Variants in FLNC observed in about 807,000 individuals in gnomAD.
FLNC encodes filamin-C.
FLNC carries 91 observed loss-of-function variants against 254.3 expected under a neutral mutation model. That is an observed-to-expected ratio of 0.36 (90% CI 0.30 to 0.43). The LOEUF is 0.43. Ranked by LOEUF, FLNC falls within the 20% of genes least tolerant of loss-of-function variation. The probability of loss-of-function intolerance (pLI) is 1.00; values close to 1 mark genes in which losing one functional copy is unlikely to be tolerated. For missense variants in FLNC, 2,853 were observed against 3,802.6 expected (o/e 0.75, Z 6.57); for synonymous variants, 1,430 against 1,577.2 (o/e 0.91, Z 2.21).
chr7:128,843,672 A>T, intron 18 of FLNC, 95 bp downstream of exon 18: 1 of 1,523,842 alleles, frequency 6.6e-7, no homozygotes, highest in Non-Finnish European at 9.1e-7. Context: ...TGGATCCTCC[A>T]CGCCTTTCCT....
chr7:128,852,944 G>T lies in FLNC; in HGVS notation c.6121G>T (p.Ala2041Ser), dbSNP rs745842738. Residue 2041 changes from alanine to serine, a missense_variant, in exon 37 of 48, where the codon GCC (alanine) becomes TCC (serine). By Grantham distance (99) the Ala-to-Ser change is moderately conservative (BLOSUM62 1). Around this residue, in one of 10 missense-constraint regions of FLNC, gnomAD observed 551 missense variants for 835.0 expected, o/e 0.66. Transcript: ENST00000325888. Reference sequence around the variant, plus strand: ...GGTGGGGCCATCTGAGATCGGGGACGCCAGCAAGGTGCGGGTCTGGGGCAA... The same window carrying T: ...GGTGGGGCCATCTGAGATCGGGGACTCCAGCAAGGTGCGGGTCTGGGGCAA... ...ILVGPSEIGDASKVRVWGKGL... is the reference protein window; with the variant it reads ...ILVGPSEIGDSSKVRVWGKGL... 1 of 1,613,582 alleles carries T rather than the reference G, an allele frequency of 6.2e-7. No homozygotes were observed. Among genetic ancestry groups the T allele is most frequent in the Non-Finnish European group, 8.5e-7 (1 of 1,180,016 alleles).
rs1412230475 is a variant in FLNC at position 128,842,450 on chromosome 7, G to C, written c.2265+76G>C. 2 of 1,606,918 alleles carry C rather than the reference G, an allele frequency of 1.2e-6. No individual in the cohort carries two copies. The highest frequency in any genetic ancestry group is 1.7e-6 in the Non-Finnish European group (2 of 1,176,744). The stretch of plus-strand genomic sequence containing the variant: ...GGGCGGAACCCTCGCTGGAGTCCCT[G>C]TTGTCCCTGGGCTCAGGCTGGGACT... On this transcript the variant is annotated intron_variant, in intron 14 of 47. Transcript: ENST00000325888. The surrounding 1 kb of genome is among the most constrained non-coding windows in gnomAD (Gnocchi z 5.4).
At position 128,840,069 on chromosome 7, in the gene FLNC, C is replaced by A. The variant is rs2291563; in HGVS notation, c.1458C>A (p.Pro486=). The change falls in exon 9 of 48, where the codon CCC becomes CCA. Residue 486 remains proline, a synonymous_variant. Coordinates refer to ENST00000325888, the MANE Select transcript of FLNC (RefSeq NM_001458.5). ...ACRASGRGLQ[P]KGVRVKEVAD... ...GCGCCTCTGGGCGAGGCCTGCAGCCCAAGGGTGTTCGCGTGAAAGAGGTGG... is the reference window on the plus strand; with the variant it reads ...GCGCCTCTGGGCGAGGCCTGCAGCCAAAGGGTGTTCGCGTGAAAGAGGTGG... The A allele has an allele frequency of 0.045, 73,350 of 1,614,004 alleles. 6,687 individuals are homozygous for A. The highest frequency in any genetic ancestry group is 0.31 in the African/African-American group (23,143 of 75,012).
Position 128,842,591 on chromosome 7 carries a change from G to A in FLNC, c.2282G>A (p.Gly761Asp). ...CTCCCGCAGGTGAACGTGGGCGAGG[G>A]CAGCCACCCCGAGCGGGTAAAGGTG... is the stretch of plus-strand genomic sequence containing the variant. ...KSPFRVNVGEGSHPERVKVYG... is the reference protein window; with the variant it reads ...KSPFRVNVGEDSHPERVKVYG... Residue 761 changes from glycine to aspartate, a missense_variant, in exon 15 of 48, where the codon GGC becomes GAC. Around this residue, in one of 10 missense-constraint regions of FLNC, gnomAD observed 1,573 missense variants for 1,883.5 expected, o/e 0.84. Coordinates refer to ENST00000325888, the MANE Select transcript of FLNC (RefSeq NM_001458.5). The surrounding 1 kb of genome is among the most constrained non-coding windows in gnomAD (Gnocchi z 5.4). The A allele has an allele frequency of 6.5e-7, 1 of 1,549,514 alleles. No individual in the cohort carries two copies. The highest frequency in any genetic ancestry group is 8.7e-7 in the Non-Finnish European group (1 of 1,146,972).
rs575141899 is a variant in FLNC at position 128,837,683 on chromosome 7, C to T, written c.897C>T (p.Thr299=). 37 of 1,611,906 alleles carry T rather than the reference C, an allele frequency of 2.3e-5. No homozygotes were observed. The highest frequency in any genetic ancestry group is 5.0e-5 in the Admixed American group (3 of 59,956). Reference sequence around the variant, plus strand: ...CCGTGCTGCAGCCTGCCCACTTCACCGTGCAGACGGTGGACGCGGGCGTGG... The same window carrying T: ...CCGTGCTGCAGCCTGCCCACTTCACTGTGCAGACGGTGGACGCGGGCGTGG... ...GNTVLQPAHF[T]VQTVDAGVGE... is the part of the protein sequence containing the mutation. Residue 299 remains threonine (T), a synonymous_variant, in exon 5 of 48, where the codon ACC becomes ACT. Coordinates refer to ENST00000325888, the MANE Select transcript of FLNC (RefSeq NM_001458.5).
rs1365748873 is a variant in FLNC at position 128,830,799 on chromosome 7, C to T, written c.162C>T (p.Gly54=). ...GCAATGAGCACCTCAAGTGCGTGGGCAAGCGCCTGACCGACCTGCAGCGCG... is the reference window on the plus strand; with the variant it reads ...GCAATGAGCACCTCAAGTGCGTGGGTAAGCGCCTGACCGACCTGCAGCGCG... ...RWCNEHLKCV[G]KRLTDLQRDL... The change falls in exon 1 of 48, where the codon GGC becomes GGT. Residue 54 remains glycine (G), a synonymous_variant. Transcript: ENST00000325888. 1 of 1,613,120 alleles carries T rather than the reference C, an allele frequency of 6.2e-7. No homozygotes were observed. The highest frequency in any genetic ancestry group is 8.5e-7 in the Non-Finnish European group (1 of 1,179,918).
Position 128,837,195 on chromosome 7 carries a change from C to T in FLNC, c.637C>T (p.Gln213Ter). 6.2e-7 allele frequency: 1 copy of T among 1,603,912 alleles called. No homozygotes were observed. Among genetic ancestry groups the T allele is most frequent in the South Asian group, 1.1e-5 (1 of 88,998 alleles). ...CPDWEAWDPN[Q>*]PVENAREAMQ... is the part of the protein sequence containing the mutation. ...CGACTGGGAGGCCTGGGACCCCAAC[C>T]AGCCCGTGGAGAACGCCCGGGAGGC... is the stretch of plus-strand genomic sequence containing the variant. Residue 213 changes from glutamine to a stop codon, truncating the protein, a stop_gained, in exon 3 of 48, where the codon CAG (glutamine) becomes TAG (stop). Transcript: ENST00000325888. LOFTEE classifies it high-confidence loss of function.
At chr7:128,853,220 A>G in intron 37 of FLNC, 189 bp downstream of exon 37, 1 of 719,630 alleles carries the variant, frequency 1.4e-6, no homozygotes, top group Non-Finnish European at 2.4e-6. Context: ...TCTCCCTTTT[A>G]AGAGAAAGCT....
rs1176639916 is a variant in FLNC at position 128,851,500 on chromosome 7, C to T, written c.5714C>T (p.Thr1905Ile). 1.2e-6 allele frequency: 2 copies of T among 1,613,872 alleles called. No homozygotes were observed. Among genetic ancestry groups the T allele is most frequent in the African/African-American group, 2.7e-5 (2 of 74,926 alleles). The change falls in exon 35 of 48, where the codon ACC (threonine) becomes ATC (isoleucine). Residue 1905 changes from threonine (T) to isoleucine (I), a missense_variant. By Grantham distance (89) the Thr-to-Ile change is moderately conservative (BLOSUM62 -1). This residue lies in a region of FLNC where 551 missense variants were observed against 835.0 expected (regional missense o/e 0.66). Transcript: ENST00000325888. ...AVEGPSKAEI[T>I]CKDNKDGTCT... ...GAGGGCCCATCCAAGGCAGAGATCA[C>T]CTGTAAGGACAACAAGGATGGCACC...
At position 128,845,101 on chromosome 7, in the gene FLNC, C is replaced by G. The variant is rs1175359759; in HGVS notation, c.3636C>G (p.Tyr1212Ter). 1 of 1,613,982 alleles carries G rather than the reference C, an allele frequency of 6.2e-7. No homozygotes were observed. ...TCCACAACAACGCGGATGGCACCTA[C>G]CACATCACCTACAGCCCTGCCTTCC... ...VLIHNNADGT[Y>*]HITYSPAFPG... Residue 1212 changes from tyrosine (Y) to a stop codon, truncating the protein, a stop_gained, in exon 21 of 48, where the codon TAC (tyrosine) becomes TAG (stop). Coordinates refer to ENST00000325888, the MANE Select transcript of FLNC (RefSeq NM_001458.5). LOFTEE classifies it high-confidence loss of function.
intron 31 of FLNC, 29 bp from the exon 32 acceptor site, chr7:128,850,355 C>CACTG: frequency 6.4e-7 from 1 of 1,573,972 alleles, no homozygotes; most frequent in Non-Finnish European, 8.7e-7. Flanking sequence ...CTTCCCCAGT[C>CACTG]ACTGACTGTT....
chr7:128,830,698 A>G lies in FLNC; in HGVS notation c.61A>G (p.Met21Val), dbSNP rs1174042673. 9 of 1,612,760 alleles carry G rather than the reference A, an allele frequency of 5.6e-6. No homozygotes were observed. Among genetic ancestry groups the G allele is most frequent in the Admixed American group, 5.0e-5 (3 of 60,004 alleles). The change falls in exon 1 of 48, where the codon ATG becomes GTG. Residue 21 changes from methionine (M) to valine (V), a missense_variant. Met to Val is a conservative substitution (Grantham distance 21, BLOSUM62 1). This residue lies in a region of FLNC where 37 missense variants were observed against 32.7 expected (regional missense o/e 1.13). Transcript: ENST00000325888. ...CGGCCTGGGCGATGAGACAGACGAG[A>G]TGCCGTCCACGGAGAAGGACCTGGC... ...GLGLGDETDE[M>V]PSTEKDLAED...
intron 8 of FLNC, 40 bp from the exon 9 acceptor site, chr7:128,839,983 C>A: frequency 6.2e-7 from 1 of 1,605,188 alleles, no homozygotes; most frequent in Non-Finnish European, 8.5e-7. Flanking sequence ...TGGTCCAAGG[C>A]CCCTCAGCAC....
At position 128,836,379 on chromosome 7, in the gene FLNC, AT is replaced by A. The variant is rs1808093710; in HGVS notation, c.602-780del. Among the ~76,000 whole-genome samples, 1 of 152,190 alleles carries A rather than the reference AT, an allele frequency of 6.6e-6. No homozygotes were observed. Among genetic ancestry groups the A allele is most frequent in the Non-Finnish European group, 1.5e-5 (1 of 68,014 alleles). ...GGGAAGCATTCCCAGCTGCTGAGCCATGGCCCATAACTGGTGTGGCTGCCAG... is the reference window on the plus strand; with the variant it reads ...GGGAAGCATTCCCAGCTGCTGAGCCAGGCCCATAACTGGTGTGGCTGCCAG... On this transcript the variant is annotated intron_variant, in intron 2 of 47. Transcript: ENST00000325888. The surrounding 1 kb of genome is among the most constrained non-coding windows in gnomAD (Gnocchi z 6.0).
At chr7:128,849,815 G>A (rs1808727621) in intron 30 of FLNC, among the ~76,000 whole-genome samples, 161 bp from the exon 31 acceptor site, 1 of 152,224 alleles carries the variant, frequency 6.6e-6, no homozygotes, top group Non-Finnish European at 1.5e-5. Flanking sequence ...AACCCGCTGT[G>A]CTCTCCACCA....
At chr7:128,831,083 GAGAC>G (rs1338438951) in intron 1 of FLNC, 94 bp downstream of exon 1, 7 of 1,222,746 alleles carry the variant, frequency 5.7e-6, no homozygotes, top group East Asian at 5.0e-5. Context: ...GGGGAGCTGA[GAGAC>G]AGGGCGGAGG....
chr7:128,851,057 C>A (rs567014670), intron 33 of FLNC, 114 bp downstream of exon 33: 105 of 1,517,242 alleles, frequency 6.9e-5, no homozygotes, highest in Admixed American at 8.4e-5. Flanking sequence ...TGTGCAGACA[C>A]CAGGCGAGGC....
At position 128,845,222 on chromosome 7, in the gene FLNC, G is replaced by T; in HGVS notation, c.3757G>T (p.Val1253Phe). Reference protein sequence around the residue: ...HVQPAVDTSGVKVSGPGVEPH... With the variant: ...HVQPAVDTSGFKVSGPGVEPH... ...GCAGCCTGCGGTCGATACCAGTGGC[G>T]TCAAGGTCTCAGGGCCTGGTGTTGA... The change falls in exon 21 of 48, where the codon GTC becomes TTC. Residue 1253 changes from valine to phenylalanine, a missense_variant. Transcript: ENST00000325888. The T allele has an allele frequency of 6.2e-7, 1 of 1,613,764 alleles. No homozygotes were observed. Among genetic ancestry groups the T allele is most frequent in the Non-Finnish European group, 8.5e-7 (1 of 1,180,000 alleles).
At chr7:128,844,590 G>A (rs1193638842) in intron 20 of FLNC, 68 bp from the exon 21 acceptor site, 7 of 1,404,868 alleles carry the variant, frequency 5.0e-6, no homozygotes, top group Non-Finnish European at 5.0e-6. Flanking sequence ...GATGAGTTGG[G>A]TGGGGGCCAT....
Sources: allele counts gnomAD v4.1 joint callset (sites outside exome capture counted in the v4.1 genomes callset), GRCh38; gene constraint gnomAD v4.1.1; regional missense constraint gnomAD v4.1.1; non-coding constraint Gnocchi (gnomAD v3.1); transcripts MANE v1.5; gene names NCBI Gene and HGNC (gene_info 2026-07-23, HGNC 2026-07-21).